Variants in UHRF2 observed in about 807,000 individuals in gnomAD.
UHRF2 encodes the protein E3 ubiquitin-protein ligase UHRF2.
In UHRF2, 23 loss-of-function variants were observed where a neutral mutation model predicts 96.8. The observed-to-expected ratio is 0.24, with a 90% CI of 0.17 to 0.34. UHRF2 has a LOEUF of 0.34. Ranked by LOEUF, UHRF2 falls within the 10% of genes least tolerant of loss-of-function variation. The pLI is 1.00. For missense variants in UHRF2, 685 were observed against 981.5 expected (o/e 0.70, Z 4.04); for synonymous variants, 385 against 332.6 (o/e 1.16, Z -1.72).
chr9:6,501,492 C>T (rs1816290514), intron 14 of UHRF2, among the ~76,000 whole-genome samples: 1 of 152,186 alleles, frequency 6.6e-6, no homozygotes, highest in African/African-American at 2.4e-5. Flanking sequence ...AAAAACTCTA[C>T]AGAGTTTCCT....
chr9:6,455,057 T>G (rs1415999105), intron 3 of UHRF2, among the ~76,000 whole-genome samples: 2 of 152,228 alleles, frequency 1.3e-5, no homozygotes, highest in Non-Finnish European at 2.9e-5. Context: ...ATTGAGCTTT[T>G]TAAGAGTAAG....
chr9:6,418,303 C>G (rs190119782), intron 1 of UHRF2, among the ~76,000 whole-genome samples: 268 of 150,424 alleles, frequency 1.8e-3, no homozygotes, highest in Non-Finnish European at 5.5e-4. Flanking sequence ...ATATTCCCAT[C>G]CCTATCCTTA....
intron 2 of UHRF2, among the ~76,000 whole-genome samples, chr9:6,428,002 C>G (rs746912528): frequency 1.3e-5 from 2 of 152,110 alleles, no homozygotes; most frequent in Admixed American, 6.5e-5. Flanking sequence ...TTTATGATGC[C>G]AGAAAGATCG....
chr9:6,414,825 C>T (rs1215930443), intron 1 of UHRF2, among the ~76,000 whole-genome samples: 1 of 152,044 alleles, frequency 6.6e-6, no homozygotes, highest in African/African-American at 2.4e-5. Context: ...TTCCCCTTTC[C>T]TTCTCTCTTT....
intron 10 of UHRF2, chr9:6,496,618 G>A (rs1377021582): frequency 2.0e-5 from 3 of 152,140 alleles, no homozygotes; most frequent in African/African-American, 7.2e-5. Context: ...GATGCTTCAG[G>A]CTTATTGAAA....
At chr9:6,445,199 T>C (rs1821414695) in intron 3 of UHRF2, among the ~76,000 whole-genome samples, 1 of 151,924 alleles carries the variant, frequency 6.6e-6, no homozygotes, top group Non-Finnish European at 1.5e-5. Context: ...AAGGTTTTTG[T>C]TTTCTCTTAA....
At chr9:6,490,320 A>G (rs1034604572) in intron 9 of UHRF2, among the ~76,000 whole-genome samples, 2 of 152,232 alleles carry the variant, frequency 1.3e-5, no homozygotes, top group African/African-American at 4.8e-5. Context: ...TGTTAGTTAT[A>G]TTCTCTGTAG....
At chr9:6,415,024 A>G (rs1444365234) in intron 1 of UHRF2, 1 of 152,104 alleles carries the variant, frequency 6.6e-6, no homozygotes, top group Non-Finnish European at 1.5e-5. Context: ...TTTGATCACA[A>G]GTGAAAAAGC....
Position 6,504,670 on chromosome 9 carries a change from G to A in UHRF2, c.2241G>A (p.Glu747=), listed in dbSNP as rs1190279435. ...TAGTTTACCAGCCTGTGACAACTGAGTGCTTCCACAATGTCTGTAAAGTAA... is the reference window on the plus strand; with the variant it reads ...TAGTTTACCAGCCTGTGACAACTGAATGCTTCCACAATGTCTGTAAAGTAA... ...QELVYQPVTT[E]CFHNVCKDCL... is the part of the protein sequence containing the mutation. Residue 747 remains glutamate (E), a synonymous_variant, in exon 15 of 16, where the codon GAG becomes GAA. Transcript: ENST00000276893. The A allele has an allele frequency of 1.2e-6, 2 of 1,613,670 alleles. No homozygotes were observed. The highest frequency in any genetic ancestry group is 1.7e-6 in the Non-Finnish European group (2 of 1,179,704).
At chr9:6,457,755 A>G (rs1012548355) in intron 3 of UHRF2, among the ~76,000 whole-genome samples, 1 of 152,194 alleles carries the variant, frequency 6.6e-6, no homozygotes, top group African/African-American at 2.4e-5. Context: ...TGCGTCTGTT[A>G]AGATAATCAT....
In UHRF2 at chr9:6,420,986, C is replaced by T. The variant is rs61998182; in HGVS notation, c.228C>T (p.Asp76=). The change falls in exon 2 of 16, where the codon GAC becomes GAT. Residue 76 remains aspartate (D), a synonymous_variant. Coordinates refer to ENST00000276893, the MANE Select transcript of UHRF2 (RefSeq NM_152896.3). ...TAATTCAGCTGCTAGTTCGCCCAGA[C>T]CCTGATCATCTTCCTGGCACATCTA... ...NDIIQLLVRP[D]PDHLPGTSTQ... The T allele has an allele frequency of 9.3e-6, 15 of 1,613,590 alleles. No homozygotes were observed. The highest frequency in any genetic ancestry group is 1.3e-5 in the Non-Finnish European group (15 of 1,179,904).
intron 3 of UHRF2, among the ~76,000 whole-genome samples, chr9:6,455,286 C>T (rs1313769275): frequency 1.3e-5 from 2 of 152,156 alleles, no homozygotes; most frequent in African/African-American, 4.8e-5. Flanking sequence ...TATCCCTCCC[C>T]CCTCTCTCCA....
intron 4 of UHRF2, among the ~76,000 whole-genome samples, chr9:6,470,967 A>G (rs991954554): frequency 3.9e-5 from 6 of 152,334 alleles, no homozygotes; most frequent in East Asian, 3.9e-4. Flanking sequence ...TTTCAAGACA[A>G]TGATCAACAA....
intron 2 of UHRF2, among the ~76,000 whole-genome samples, chr9:6,426,468 T>G (rs899109836): frequency 1.3e-5 from 2 of 152,238 alleles, no homozygotes; most frequent in Non-Finnish European, 2.9e-5. Context: ...CAATAATAAA[T>G]TTAGAGCTGT....
At position 6,460,598 on chromosome 9, in the gene UHRF2, A is replaced by T; in HGVS notation, c.670A>T (p.Met224Leu). The T allele has an allele frequency of 6.2e-7, 1 of 1,608,696 alleles. No homozygotes were observed. The highest frequency in any genetic ancestry group is 2.2e-5 in the East Asian group (1 of 44,742). ...ATACCCAGAAAGCGGTACTCTAGAA[A>T]TGAATGTCAAGGATCTTAGACCACG... ...DEYPESGTLE[M>L]NVKDLRPRAR... Residue 224 changes from methionine (M) to leucine (L), a missense_variant, in exon 4 of 16, where the codon ATG (methionine) becomes TTG (leucine). Coordinates refer to ENST00000276893, the MANE Select transcript of UHRF2 (RefSeq NM_152896.3).
At chr9:6,457,875 A>T (rs952129726) in intron 3 of UHRF2, among the ~76,000 whole-genome samples, 10 of 152,172 alleles carry the variant, frequency 6.6e-5, no homozygotes, top group African/African-American at 1.9e-4. Context: ...CGTGGTGGAT[A>T]AGCTTTTTGA....
intron 8 of UHRF2, among the ~76,000 whole-genome samples, chr9:6,484,993 A>G (rs948072180): frequency 4.0e-5 from 6 of 151,796 alleles, no homozygotes; most frequent in Admixed American, 2.6e-4. Flanking sequence ...GGGTTACTCC[A>G]TGTTGGTCAG....
intron 2 of UHRF2, among the ~76,000 whole-genome samples, chr9:6,431,833 A>C (rs1285313023): frequency 6.6e-6 from 1 of 152,198 alleles, no homozygotes; most frequent in Non-Finnish European, 1.5e-5. Context: ...GTTCCTTAGT[A>C]AGGTTGATGA....
chr9:6,430,583 C>G (rs750413798), intron 2 of UHRF2, among the ~76,000 whole-genome samples: 15 of 152,008 alleles, frequency 9.9e-5, no homozygotes, highest in Non-Finnish European at 1.9e-4. Context: ...CATGTAATCC[C>G]GAGTCCATGC....
Sources: allele counts gnomAD v4.1 joint callset (sites outside exome capture counted in the v4.1 genomes callset), GRCh38; gene constraint gnomAD v4.1.1; transcripts MANE v1.5; gene names NCBI Gene and HGNC (gene_info 2026-07-23, HGNC 2026-07-21).